PSMA1: variants seen among roughly 807,000 people sequenced by gnomAD.
The protein encoded by PSMA1 is proteasome subunit alpha type-1.
In PSMA1, 3 loss-of-function variants were observed where a neutral mutation model predicts 38.4. That is an observed-to-expected ratio of 0.08 (90% CI 0.04 to 0.20). The LOEUF is 0.20. Ranked by LOEUF, PSMA1 falls within the 10% of genes least tolerant of loss-of-function variation. PSMA1 has a pLI of 1.00. For synonymous variants in PSMA1, 101 were observed against 107.1 expected (o/e 0.94, Z 0.35); for missense variants, 227 against 325.3 (o/e 0.70, Z 2.32).
intron 2 of PSMA1, 94 bp downstream of exon 2, chr11:14,518,903 C>T (rs1316057833): frequency 1.1e-5 from 11 of 1,001,700 alleles, no homozygotes; most frequent in Non-Finnish European, 1.6e-5. Context: ...TAATTATATT[C>T]CATTTTCCCC....
chr11:14,517,784 AAG>A (rs1194561211), intron 3 of PSMA1, 39 bp from the exon 4 acceptor site: 11 of 1,440,088 alleles, frequency 7.6e-6, no homozygotes, highest in East Asian at 6.9e-5. Context: ...AAAAAAAAAA[AAG>A]AGACAAATGT....
intron 2 of PSMA1, among the ~76,000 whole-genome samples, chr11:14,553,894 C>T (rs1250646822): frequency 6.6e-6 from 1 of 152,004 alleles, no homozygotes; most frequent in East Asian, 1.9e-4. Context: ...AAGAAATTGC[C>T]AAACTATTTT....
At chr11:14,603,615 A>G (rs2134194960) in intron 2 of PSMA1, among the ~76,000 whole-genome samples, 1 of 152,366 alleles carries the variant, frequency 6.6e-6, no homozygotes, top group Admixed American at 6.5e-5. Flanking sequence ...CCATGCACAG[A>G]CTAAACATCA....
intron 2 of PSMA1, among the ~76,000 whole-genome samples, chr11:14,546,245 A>G (rs1032815007): frequency 2.6e-5 from 4 of 151,810 alleles, no homozygotes; most frequent in African/African-American, 9.7e-5. Context: ...GAGGGGCAAG[A>G]GGGTTGCTTA....
intron 4 of PSMA1, 60 bp from the exon 5 acceptor site, chr11:14,514,551 A>C: frequency 8.0e-7 from 1 of 1,251,388 alleles, no homozygotes; most frequent in Non-Finnish European, 1.1e-6. Flanking sequence ...TTCCAATCTA[A>C]ATTGTTTGAT....
intron 1 of PSMA1, among the ~76,000 whole-genome samples, chr11:14,612,676 A>G (rs1243561931): frequency 6.6e-6 from 1 of 152,204 alleles, no homozygotes; most frequent in East Asian, 1.9e-4. Context: ...TTTTTTAAAT[A>G]TTCAACAGAA....
At chr11:14,549,939 G>A (rs999255183) in intron 2 of PSMA1, among the ~76,000 whole-genome samples, 6 of 152,288 alleles carry the variant, frequency 3.9e-5, no homozygotes, top group Middle Eastern at 3.4e-3. Flanking sequence ...TCAGCAAAAC[G>A]AAAGATGTTA....
At chr11:14,598,883 T>C (rs552707341) in intron 2 of PSMA1, among the ~76,000 whole-genome samples, 1 of 152,098 alleles carries the variant, frequency 6.6e-6, no homozygotes, top group South Asian at 2.1e-4. Context: ...CTGGTACCGG[T>C]TGTTCCTTTC....
At chr11:14,518,194 T>G (rs1851466944) in intron 2 of PSMA1, among the ~76,000 whole-genome samples, 1 of 151,788 alleles carries the variant, frequency 6.6e-6, no homozygotes, top group South Asian at 2.1e-4. Flanking sequence ...CTCTGCCTCC[T>G]AGGCTCAAGC....
chr11:14,594,798 T>C (rs1340578475), intron 2 of PSMA1, among the ~76,000 whole-genome samples: 2 of 152,200 alleles, frequency 1.3e-5, no homozygotes, highest in South Asian at 2.1e-4. Context: ...CTAGGGTACA[T>C]GTTCACAACG....
intron 2 of PSMA1, among the ~76,000 whole-genome samples, chr11:14,579,229 A>C (rs1399231692): frequency 6.6e-6 from 1 of 152,232 alleles, no homozygotes; most frequent in African/African-American, 2.4e-5. Context: ...TCTGAAATCA[A>C]GGTATTGGCA....
intron 1 of PSMA1, 119 bp from the exon 2 acceptor site, chr11:14,519,160 G>C (rs781669416): frequency 1.2e-6 from 1 of 832,830 alleles, no homozygotes; most frequent in Non-Finnish European, 2.0e-6. Flanking sequence ...TGTTCATGCA[G>C]TCTTACTGGA....
intron 2 of PSMA1, among the ~76,000 whole-genome samples, chr11:14,593,825 C>G (rs889896851): frequency 3.3e-5 from 5 of 152,172 alleles, no homozygotes; most frequent in African/African-American, 1.2e-4. Context: ...GTTGTTTACT[C>G]AAAATTCATT....
chr11:14,579,821 C>A (rs916159230), intron 2 of PSMA1, among the ~76,000 whole-genome samples: 6 of 152,082 alleles, frequency 3.9e-5, no homozygotes, highest in Non-Finnish European at 7.4e-5. Flanking sequence ...TTGAAAATGC[C>A]CTCCAAGTGA....
upstream of PSMA1, among the ~76,000 whole-genome samples, chr11:14,523,848 G>A (rs909482764): frequency 2.6e-5 from 4 of 151,872 alleles, no homozygotes; most frequent in African/African-American, 7.3e-5. Flanking sequence ...CTCCCAAAGT[G>A]CTGGGATTAT....
At chr11:14,601,898 G>A (rs995812353) in intron 2 of PSMA1, among the ~76,000 whole-genome samples, 4 of 152,154 alleles carry the variant, frequency 2.6e-5, no homozygotes, top group Admixed American at 6.6e-5. Context: ...ATCTTGTGAA[G>A]GGCTTACTGT....
chr11:14,530,901 CAA>C (rs10670662), intron 2 of PSMA1, among the ~76,000 whole-genome samples: 5 of 107,978 alleles, frequency 4.6e-5, no homozygotes, highest in Admixed American at 2.1e-4. Context: ...GACTCCGTCT[CAA>C]AAAAAAAAAA....
intron 4 of PSMA1, among the ~76,000 whole-genome samples, chr11:14,517,352 T>G (rs531339912): frequency 6.6e-6 from 1 of 152,348 alleles, no homozygotes; most frequent in Non-Finnish European, 1.5e-5. Context: ...GACAAAAGTA[T>G]CACGTTCTTC....
At chr11:14,548,812 TA>T (rs1377982719) in intron 2 of PSMA1, among the ~76,000 whole-genome samples, 5 of 152,216 alleles carry the variant, frequency 3.3e-5, no homozygotes. Flanking sequence ...GACTGTGTAA[TA>T]AATATTTTAT....
Sources: gnomAD v4.1 joint callset for allele counts (sites outside exome capture counted in the v4.1 genomes callset) on GRCh38, gnomAD v4.1.1 for gene constraint, MANE v1.5 for transcripts, NCBI Gene and HGNC (gene_info 2026-07-23, HGNC 2026-07-21) for gene names.